The following TBC1D10C variants were observed in gnomAD, a reference collection of about 807,000 sequenced individuals.
TBC1D10C encodes the protein carabin.
TBC1D10C carries 49 observed loss-of-function variants against 51.0 expected under a neutral mutation model. The observed-to-expected ratio is 0.96, with a 90% CI of 0.76 to 1.22. TBC1D10C has a LOEUF of 1.22. Among genes scored for constraint, TBC1D10C ranks in the 50% most tolerant of loss-of-function variants. The pLI is 0.00. For missense variants in TBC1D10C, 541 were observed against 617.5 expected, an observed-to-expected ratio of 0.88 and a Z score of 1.31; for synonymous variants, 281 against 266.7, an observed-to-expected ratio of 1.05 and a Z score of -0.52.
At chr11:67,406,538 C>T (rs1471634615) in intron 5 of TBC1D10C, 89 bp from the exon 6 acceptor site, 7 of 1,214,904 alleles carry the variant, frequency 5.8e-6, no homozygotes, top group South Asian at 2.7e-5. Flanking sequence ...CCAGGCCCTC[C>T]CCTTCACTCC....
At chr11:67,404,071 AG>A, upstream of TBC1D10C, 1 of 1,143,630 alleles carries the variant, frequency 8.7e-7, no homozygotes, top group Non-Finnish European at 1.2e-6. Context: ...GAGGAGACAT[AG>A]GGGGCTTGGT....
chr11:67,404,062 A>G, upstream of TBC1D10C: 5 of 1,049,660 alleles, frequency 4.8e-6, no homozygotes, highest in Non-Finnish European at 5.1e-6. Context: ...CCCATAAAAG[A>G]GGAGACATAG....
rs774946111 is a variant in TBC1D10C at position 67,409,017 on chromosome 11, C to T, written c.877C>T (p.Arg293Cys). The part of the protein sequence containing the change: ...VLFRVGLTLV[R>C]LALGTAEQRG... ...GTTCCGTGTGGGGCTGACACTGGTG[C>T]GCCTGGCGCTGGGCACTGCAGAGCA... The change falls in exon 8 of 9, where the codon CGC (arginine) becomes TGC (cysteine). Residue 293 changes from arginine to cysteine, a missense_variant. Physicochemically the swap from Arg to Cys is radical, Grantham distance 180 (BLOSUM62 -3). Transcript: ENST00000542590. 5.7e-6 allele frequency: 9 copies of T among 1,573,762 alleles called. No homozygotes were observed. In the South Asian group the frequency reaches 7.0e-5, roughly 12 times the overall value.
chr11:67,404,001 T>TCTCC (rs1863035088), upstream of TBC1D10C: 2 of 530,088 alleles, frequency 3.8e-6, no homozygotes, highest in African/African-American at 4.0e-5. Flanking sequence ...TGGGGCTGGG[T>TCTCC]CTCCGGACAG....
chr11:67,405,455 C>G lies in TBC1D10C; in HGVS notation c.309C>G (p.Pro103=). ...IPSALRARCW[P]LLCGAHVCQK... ...CTGCCCTGCGCGCCCGATGCTGGCC[C>G]CTGTTGTGTGGGGCCCATGTGTGCC... Residue 103 remains proline (P), a synonymous_variant, in exon 3 of 9, where the codon CCC becomes CCG. Transcript: ENST00000542590. 6.2e-7 allele frequency: 1 copy of G among 1,613,468 alleles called. No individual in the cohort carries two copies. Among genetic ancestry groups the G allele is most frequent in the Admixed American group, 1.7e-5 (1 of 59,998 alleles).
Position 67,404,433 on chromosome 11 carries a change from G to A in TBC1D10C, c.152+79G>A, listed in dbSNP as rs919036868. ...GAGGGCTGAATTCTGGAGGGAGGCC[G>A]GGAGGGTCTGGTGGTAGGGATTGGG... is the stretch of plus-strand genomic sequence containing the variant. On this transcript the variant is annotated intron_variant, in intron 1 of 8. Transcript: ENST00000542590. The A allele has an allele frequency of 1.3e-4, 177 of 1,411,322 alleles. 1 individual carries two copies. Among genetic ancestry groups the A allele is most frequent in the South Asian group, 1.1e-3 (78 of 71,804 alleles). The allele number at this position is 1,411,322 out of a possible 1,614,324, so 87.4% of individuals were successfully genotyped here. A position where few individuals can be genotyped will look rare whatever the true frequency, so the allele number is the denominator to read the frequency against.
Position 67,409,402 on chromosome 11 carries a change from C to T in TBC1D10C, c.994-5C>T, listed in dbSNP as rs1341251891. On this transcript the variant is annotated splice_region_variant and splice_polypyrimidine_tract_variant and intron_variant, in intron 8 of 8. Transcript: ENST00000542590. ...GGCAAACGCAGCACCAACTGCTCCC[C>T]ACAGGTGCACAGCGTGGTGCTGTCA... 6.5e-7 allele frequency: 1 copy of T among 1,547,704 alleles called. No homozygotes were observed. Among genetic ancestry groups the T allele is most frequent in the South Asian group, 1.2e-5 (1 of 83,916 alleles).
Position 67,409,928 on chromosome 11 carries a change from G to C in TBC1D10C, c.*174G>C. On this transcript the variant is annotated 3_prime_UTR_variant, in exon 9 of 9. Coordinates refer to ENST00000542590, the MANE Select transcript of TBC1D10C (RefSeq NM_001369496.1). ...GTGGTACATACTGGGTCAGGCACTA[G>C]CATGGAGGAGGGTCACAGAGTGGGG... 1.6e-6 allele frequency: 1 copy of C among 615,222 alleles called. No individual in the cohort carries two copies. 38.1% of individuals were successfully genotyped at this position (615,222 alleles called of 1,614,324 possible).
intron 1 of TBC1D10C, 118 bp downstream of exon 1, chr11:67,404,472 C>T: frequency 9.1e-7 from 1 of 1,102,692 alleles, no homozygotes; most frequent in Non-Finnish European, 1.2e-6. Flanking sequence ...GGGACTCAGC[C>T]AGTAGCACCC....
Position 67,405,889 on chromosome 11 carries a change from G to C in TBC1D10C, c.468-14G>C. 6.3e-7 allele frequency: 1 copy of C among 1,579,498 alleles called. No individual in the cohort carries two copies. Among genetic ancestry groups the C allele is most frequent in the East Asian group, 2.3e-5 (1 of 42,950 alleles). ...GCCTGCAGGACTGGCCCCTTATGGG[G>C]TCTTCCGGCACAGGCAGCAGGGGCT... On this transcript the variant is annotated splice_polypyrimidine_tract_variant and intron_variant, in intron 4 of 8. Transcript: ENST00000542590.
Position 67,409,463 on chromosome 11 carries a change from G to A in TBC1D10C, c.1050G>A (p.Leu350=). 1 of 1,549,162 alleles carries A rather than the reference G, an allele frequency of 6.5e-7. No individual in the cohort carries two copies. Among genetic ancestry groups the A allele is most frequent in the Non-Finnish European group, 8.7e-7 (1 of 1,146,584 alleles). ...TGCAGCGGGAGATCAAGGCCCAGCT[G>A]GCCCAGCTGCCCGATTCCGCGCCGG... is the stretch of plus-strand genomic sequence containing the variant. ...RDLQREIKAQ[L]AQLPDSAPGP... The change falls in exon 9 of 9, where the codon CTG becomes CTA. Residue 350 remains leucine, a synonymous_variant. Transcript: ENST00000542590.
intron 4 of TBC1D10C, 38 bp from the exon 5 acceptor site, chr11:67,405,865 C>A (rs1863139161): frequency 6.4e-7 from 1 of 1,555,478 alleles, no homozygotes; most frequent in Non-Finnish European, 8.7e-7. Context: ...GAAGGGGGTG[C>A]CTGCAGGACT....
rs1203513250 is a variant in TBC1D10C, at chr11:67,406,897, AC to A, written c.721del (p.Leu241CysfsTer49). On this transcript the variant is annotated frameshift_variant, in exon 7 of 9. Coordinates refer to ENST00000542590, the MANE Select transcript of TBC1D10C (RefSeq NM_001369496.1). LOFTEE classifies it high-confidence loss of function. ...CGGCTGCTTCCGCACGTGCACAAGC[AC>A]CTGCAGCAGGTGGGCGTCGGACCCC... ...LRRLLPHVHK[H>X]LQQVGVGPLL... 2 of 1,611,656 alleles carry A rather than the reference AC, an allele frequency of 1.2e-6. No homozygotes were observed. Among genetic ancestry groups the A allele is most frequent in the Non-Finnish European group, 1.7e-6 (2 of 1,179,886 alleles).
chr11:67,407,466 TAAAAC>T (rs764714132), intron 7 of TBC1D10C: 1 of 169,854 alleles, frequency 5.9e-6, no homozygotes, highest in Non-Finnish European at 1.3e-5. Flanking sequence ...ATGAAGAAAA[TAAAAC>T]AAGGGATGTG....
Position 67,409,029 on chromosome 11 carries a change from G to A in TBC1D10C, c.889G>A (p.Gly297Ser), listed in dbSNP as rs1470086559. The A allele has an allele frequency of 1.9e-6, 3 of 1,582,198 alleles. No individual in the cohort carries two copies. The highest frequency in any genetic ancestry group is 2.6e-6 in the Non-Finnish European group (3 of 1,165,910). Residue 297 changes from glycine (G) to serine (S), a missense_variant, in exon 8 of 9, where the codon GGC becomes AGC. Physicochemically the swap from Gly to Ser is moderately conservative, Grantham distance 56 (BLOSUM62 0). Transcript: ENST00000542590. ...VGLTLVRLAL[G>S]TAEQRGACPG... is the part of the protein sequence containing the mutation. ...GCTGACACTGGTGCGCCTGGCGCTG[G>A]GCACTGCAGAGCAGCGAGGGGCCTG...
intron 8 of TBC1D10C, 33 bp downstream of exon 8, chr11:67,409,166 A>G: frequency 6.4e-7 from 1 of 1,556,746 alleles, no homozygotes; most frequent in African/African-American, 1.4e-5. Flanking sequence ...GGACTTGCCC[A>G]GCCCCTGCTG....
chr11:67,405,546 G>A (rs972430842), intron 3 of TBC1D10C, 40 bp downstream of exon 3: 8 of 1,613,454 alleles, frequency 5.0e-6, no homozygotes, highest in African/African-American at 4.0e-5. Flanking sequence ...CCTACCCAGA[G>A]CCCCTCACCA....
Position 67,409,715 on chromosome 11 carries a change from C to T in TBC1D10C, c.1302C>T (p.Pro434=). ...RGPPIEGPPR[P]QRGSTSFLDT... is the part of the protein sequence containing the mutation. The stretch of plus-strand genomic sequence containing the variant: ...CCCCCATCGAGGGGCCCCCCAGGCC[C>T]CAACGAGGCTCCACCTCCTTCCTGG... The change falls in exon 9 of 9, where the codon CCC becomes CCT. Residue 434 remains proline (P), a synonymous_variant. Coordinates refer to ENST00000542590, the MANE Select transcript of TBC1D10C (RefSeq NM_001369496.1). 2 of 1,591,670 alleles carry T rather than the reference C, an allele frequency of 1.3e-6. No individual in the cohort carries two copies. The highest frequency in any genetic ancestry group is 1.7e-6 in the Non-Finnish European group (2 of 1,177,258).
chr11:67,404,030 A>C (rs989978646), upstream of TBC1D10C: 9 of 737,074 alleles, frequency 1.2e-5, no homozygotes, highest in African/African-American at 1.9e-5. Context: ...CTTTTCTGTC[A>C]GGGCAGGGCC....
Sources: gnomAD v4.1 joint callset for allele counts on GRCh38, gnomAD v4.1.1 for gene constraint, MANE v1.5 for transcripts, NCBI Gene and HGNC (gene_info 2026-07-23, HGNC 2026-07-21) for gene names.